Variants in ITGA1 observed in about 807,000 individuals in gnomAD.
ITGA1 encodes integrin subunit alpha 1, also known as integrin alpha-1.
ITGA1 carries 85 observed loss-of-function variants against 145.9 expected under a neutral mutation model. The observed-to-expected ratio is 0.58, with a 90% confidence interval of 0.49 to 0.70. The LOEUF is 0.70. Ranked by LOEUF, ITGA1 falls within the 30% of genes least tolerant of loss-of-function variation. The pLI is 0.00. For synonymous variants in ITGA1, 520 were observed against 495.3 expected, an observed-to-expected ratio of 1.05 and a Z score of -0.66; for missense variants, 1,351 against 1,418.7, an observed-to-expected ratio of 0.95 and a Z score of 0.77.
chr5:52,918,189 T>C (rs538445764), intron 15 of ITGA1, among the ~76,000 whole-genome samples: 18 of 152,200 alleles, frequency 1.2e-4, no homozygotes, highest in Non-Finnish European at 2.1e-4. Flanking sequence ...GCCCCAGTTA[T>C]CAAACGTAAA....
At chr5:52,905,535 ACT>A (rs1750387063) in intron 11 of ITGA1, 1 of 325,568 alleles carries the variant, frequency 3.1e-6, no homozygotes, top group Non-Finnish European at 5.6e-6. Context: ...ATAATGAAAA[ACT>A]CAGATTGGGG....
chr5:52,851,830 G>A (rs1233442072), intron 2 of ITGA1, among the ~76,000 whole-genome samples: 1 of 152,124 alleles, frequency 6.6e-6, no homozygotes, highest in East Asian at 1.9e-4. Context: ...GCATAAATGT[G>A]GGTCAGTCAA....
rs370131047 is a variant in ITGA1 at position 52,956,980 on chromosome 5, G to T, written c.*4529G>T. The T allele has an allele frequency of 1.3e-5, 2 of 152,268 alleles. No individual in the cohort carries two copies. Among genetic ancestry groups the T allele is most frequent in the Admixed American group, 6.5e-5 (1 of 15,294 alleles). 9.4% of individuals were successfully genotyped at this position (152,268 alleles called of 1,614,324 possible). On this transcript the variant is annotated 3_prime_UTR_variant, in exon 29 of 29. Coordinates refer to ENST00000282588, the MANE Select transcript of ITGA1 (RefSeq NM_181501.2). Reference sequence around the variant, plus strand: ...AGGAAACCAAGGCACATTACAAAAGGCTAAATGCTGCTGTTTCTAAGTGGA... The same window carrying T: ...AGGAAACCAAGGCACATTACAAAAGTCTAAATGCTGCTGTTTCTAAGTGGA...
intron 1 of ITGA1, among the ~76,000 whole-genome samples, chr5:52,840,717 T>C (rs1427061303): frequency 6.6e-6 from 1 of 152,150 alleles, no homozygotes; most frequent in African/African-American, 2.4e-5. Flanking sequence ...TAAAGGAAGA[T>C]TTTTTAAGAA....
At chr5:52,924,088 C>G (rs1042858175) in intron 18 of ITGA1, among the ~76,000 whole-genome samples, 1 of 152,168 alleles carries the variant, frequency 6.6e-6, no homozygotes, top group African/African-American at 2.4e-5. Flanking sequence ...ACTAGCGTGG[C>G]TCCAATGGAA....
At chr5:52,885,304 G>A (rs1750030094) in intron 7 of ITGA1, among the ~76,000 whole-genome samples, 2 of 152,142 alleles carry the variant, frequency 1.3e-5, no homozygotes, top group Non-Finnish European at 2.9e-5. Flanking sequence ...GGGGCTGAAC[G>A]TTTCAAGCTT....
chr5:52,912,093 C>G (rs999639974), intron 14 of ITGA1, among the ~76,000 whole-genome samples: 5 of 136,964 alleles, frequency 3.7e-5, no homozygotes, highest in Non-Finnish European at 6.2e-5. Flanking sequence ...TATAGATACA[C>G]TATATATAGC....
intron 18 of ITGA1, among the ~76,000 whole-genome samples, chr5:52,924,839 A>C (rs944672807): frequency 6.6e-6 from 1 of 152,156 alleles, no homozygotes; most frequent in Non-Finnish European, 1.5e-5. Context: ...AATGAAGAAG[A>C]ATCAAGCAAA....
intron 1 of ITGA1, among the ~76,000 whole-genome samples, chr5:52,820,002 T>C (rs1447507539): frequency 6.6e-6 from 1 of 152,228 alleles, no homozygotes; most frequent in East Asian, 1.9e-4. Context: ...TCCATTGGTC[T>C]ATATCTCTGT....
At chr5:52,881,354 TGGAC>T (rs927913577) in intron 6 of ITGA1, among the ~76,000 whole-genome samples, 4 of 152,204 alleles carry the variant, frequency 2.6e-5, no homozygotes, top group African/African-American at 9.6e-5. Flanking sequence ...TTCCCCTGTA[TGGAC>T]GCTCTGCCCT....
At chr5:52,929,177 T>C (rs1750859528) in intron 20 of ITGA1, among the ~76,000 whole-genome samples, 1 of 152,176 alleles carries the variant, frequency 6.6e-6, no homozygotes, top group Non-Finnish European at 1.5e-5. Flanking sequence ...CTGGTAGATC[T>C]AGTGTCTGGT....
At chr5:52,941,755 T>C (rs1561255939) in intron 26 of ITGA1, among the ~76,000 whole-genome samples, 1 of 152,224 alleles carries the variant, frequency 6.6e-6, no homozygotes, top group Non-Finnish European at 1.5e-5. Flanking sequence ...TAATGTCTTT[T>C]GTTGTGCAGA....
chr5:52,918,896 C>A lies in ITGA1; in HGVS notation c.2153C>A (p.Ala718Asp). ...LKSKEDTIYE[A>D]DLQYRVTLDS... Reference sequence around the variant, plus strand: ...TCTAAAGAAGACACGATTTATGAAGCTGGTAAGCAAAATAATTATAGCAAG... The same window carrying A: ...TCTAAAGAAGACACGATTTATGAAGATGGTAAGCAAAATAATTATAGCAAG... Residue 718 changes from alanine to aspartate, a missense_variant and splice_region_variant, in exon 16 of 29, where the codon GCT (alanine) becomes GAT (aspartate). Ala to Asp is a moderately radical substitution (Grantham distance 126). Coordinates refer to ENST00000282588, the MANE Select transcript of ITGA1 (RefSeq NM_181501.2). 1 of 1,587,712 alleles carries A rather than the reference C, an allele frequency of 6.3e-7. No homozygotes were observed. Among genetic ancestry groups the A allele is most frequent in the Non-Finnish European group, 8.5e-7 (1 of 1,170,626 alleles).
At chr5:52,913,425 A>T (rs1224900936) in intron 14 of ITGA1, among the ~76,000 whole-genome samples, 1 of 152,222 alleles carries the variant, frequency 6.6e-6, no homozygotes, top group Non-Finnish European at 1.5e-5. Flanking sequence ...GAAAAAATAA[A>T]TCTGAATATT....
At chr5:52,815,008 A>G (rs1437589677) in intron 1 of ITGA1, among the ~76,000 whole-genome samples, 1 of 152,184 alleles carries the variant, frequency 6.6e-6, no homozygotes, top group African/African-American at 2.4e-5. Context: ...AAAGAGGAAA[A>G]TGATGATGTA....
chr5:52,952,146 C>T (rs557708135), intron 28 of ITGA1, among the ~76,000 whole-genome samples: 48 of 148,848 alleles, frequency 3.2e-4, no homozygotes, highest in South Asian at 8.4e-4. Flanking sequence ...GCGGAGATCA[C>T]GCCACTGCAC....
At position 52,881,947 on chromosome 5, in the gene ITGA1, A is replaced by G; in HGVS notation, c.699A>G (p.Val233=). 1 of 1,613,978 alleles carries G rather than the reference A, an allele frequency of 6.2e-7. No individual in the cohort carries two copies. The highest frequency in any genetic ancestry group is 8.5e-7 in the Non-Finnish European group (1 of 1,179,882). The change falls in exon 7 of 29, where the codon GTA becomes GTG. Residue 233 remains valine, a synonymous_variant. Coordinates refer to ENST00000282588, the MANE Select transcript of ITGA1 (RefSeq NM_181501.2). ...NLNKYSSTEE[V]LVAAKKIVQR... is the part of the protein sequence containing the mutation. Reference sequence around the variant, plus strand: ...ATAAGTATTCTTCCACCGAAGAGGTACTTGTTGCAGCAAAGAAAATAGTCC... The same window carrying G: ...ATAAGTATTCTTCCACCGAAGAGGTGCTTGTTGCAGCAAAGAAAATAGTCC...
At chr5:52,877,095 T>C (rs1248869261) in intron 6 of ITGA1, among the ~76,000 whole-genome samples, 1 of 152,102 alleles carries the variant, frequency 6.6e-6, no homozygotes, top group Non-Finnish European at 1.5e-5. Context: ...TAGCTTGAAG[T>C]TTTATCTATT....
At chr5:52,884,168 G>A (rs898202240) in intron 7 of ITGA1, among the ~76,000 whole-genome samples, 1 of 152,120 alleles carries the variant, frequency 6.6e-6, no homozygotes, top group Non-Finnish European at 1.5e-5. Context: ...AATCGGCTGG[G>A]TGCAGTGGCT....
Sources: allele counts gnomAD v4.1 joint callset (sites outside exome capture counted in the v4.1 genomes callset), GRCh38; gene constraint gnomAD v4.1.1; transcripts MANE v1.5; gene names NCBI Gene and HGNC (gene_info 2026-07-23, HGNC 2026-07-21).